Variants in PDE4B observed in about 807,000 individuals in gnomAD.
PDE4B encodes phosphodiesterase 4B, also known as 3',5'-cyclic-AMP phosphodiesterase 4B.
Under a neutral mutation model 82.2 loss-of-function variants are expected in PDE4B, and 20 were observed. That is an observed-to-expected ratio of 0.24 (90% CI 0.17 to 0.35). The LOEUF is 0.35. Among genes scored for constraint, PDE4B ranks in the 10% least tolerant of loss-of-function variants. The pLI is 1.00. For synonymous variants in PDE4B, 320 were observed against 318.9 expected, an observed-to-expected ratio of 1.00 and a Z score of -0.04; for missense variants, 655 against 907.2, an observed-to-expected ratio of 0.72 and a Z score of 3.57.
chr1:66,009,915 A>ATCTG, intron 3 of PDE4B, among the ~76,000 whole-genome samples: 1 of 57,980 alleles, frequency 1.7e-5, no homozygotes, highest in Non-Finnish European at 5.2e-5. Flanking sequence ...TTATCTATCT[A>ATCTG]TCTATCTATC....
chr1:66,345,627 A>G (rs577017061), intron 8 of PDE4B, among the ~76,000 whole-genome samples: 4 of 152,342 alleles, frequency 2.6e-5, no homozygotes, highest in East Asian at 1.9e-4. Context: ...GATCAATTGC[A>G]TGAGGTTCAG....
chr1:66,106,034 G>C (rs559470935), intron 3 of PDE4B, among the ~76,000 whole-genome samples: 1 of 152,014 alleles, frequency 6.6e-6, no homozygotes, highest in African/African-American at 2.4e-5. Context: ...CAAAGGGAAT[G>C]CTTCCAGTTT....
intron 3 of PDE4B, among the ~76,000 whole-genome samples, chr1:66,114,716 A>G (rs1411218557): frequency 1.3e-5 from 2 of 150,768 alleles, no homozygotes; most frequent in African/African-American, 4.9e-5. Flanking sequence ...GCTCACTGCA[A>G]CCTCTGCTTC....
At chr1:66,161,298 A>ACG (rs398069487) in intron 3 of PDE4B, among the ~76,000 whole-genome samples, 1 of 151,830 alleles carries the variant, frequency 6.6e-6, no homozygotes, top group Non-Finnish European at 1.5e-5. Context: ...ACACACACAC[A>ACG]ATCACACACA....
intron 10 of PDE4B, among the ~76,000 whole-genome samples, chr1:66,362,420 A>G (rs1371680851): frequency 6.6e-6 from 1 of 152,096 alleles, no homozygotes; most frequent in African/African-American, 2.4e-5. Context: ...CCTTGTGAGA[A>G]TATGAAATGA....
chr1:65,890,485 A>G (rs1280397046), intron 1 of PDE4B, among the ~76,000 whole-genome samples: 1 of 152,156 alleles, frequency 6.6e-6, no homozygotes, highest in Non-Finnish European at 1.5e-5. Flanking sequence ...GAATATCCAG[A>G]TGAATTTAAT....
intron 3 of PDE4B, among the ~76,000 whole-genome samples, chr1:66,023,439 G>T (rs1297331477): frequency 6.6e-6 from 1 of 152,088 alleles, no homozygotes; most frequent in Non-Finnish European, 1.5e-5. Flanking sequence ...GTATTGCCAA[G>T]AACAAGGTAG....
At chr1:66,034,828 G>GT (rs1281472409) in intron 3 of PDE4B, among the ~76,000 whole-genome samples, 1 of 152,080 alleles carries the variant, frequency 6.6e-6, no homozygotes, top group African/African-American at 2.4e-5. Context: ...TGGTCATAAA[G>GT]TTTTTATCTT....
chr1:65,856,107 T>C (rs537055562), intron 1 of PDE4B, among the ~76,000 whole-genome samples: 2 of 152,286 alleles, frequency 1.3e-5, no homozygotes, highest in East Asian at 3.9e-4. Context: ...TTTTAGGCAC[T>C]ATCTCCCTAA....
intron 3 of PDE4B, among the ~76,000 whole-genome samples, chr1:66,044,732 T>G (rs942563107): frequency 4.6e-5 from 7 of 151,796 alleles, no homozygotes; most frequent in Admixed American, 3.3e-4. Flanking sequence ...GTTAACTCTG[T>G]GAGAAAAAGA....
chr1:66,154,202 T>C (rs1646457824), intron 3 of PDE4B, among the ~76,000 whole-genome samples: 1 of 152,170 alleles, frequency 6.6e-6, no homozygotes, highest in Admixed American at 6.6e-5. Context: ...AATTCTTATC[T>C]GTTTATTGCT....
chr1:66,206,374 G>C (rs1286169772), intron 3 of PDE4B, among the ~76,000 whole-genome samples: 1 of 152,108 alleles, frequency 6.6e-6, no homozygotes, highest in African/African-American at 2.4e-5. Context: ...CTAGCGGGGG[G>C]ATACAGCCTA....
chr1:66,331,015 A>G (rs1346951675), intron 7 of PDE4B, among the ~76,000 whole-genome samples: 4 of 152,226 alleles, frequency 2.6e-5, no homozygotes, highest in Non-Finnish European at 4.4e-5. Flanking sequence ...AAGTGTATGA[A>G]TATTTCGGGG....
chr1:65,943,701 G>A (rs1321096733), intron 3 of PDE4B, among the ~76,000 whole-genome samples: 1 of 151,810 alleles, frequency 6.6e-6, no homozygotes, highest in African/African-American at 2.4e-5. Flanking sequence ...CAATGTGCAG[G>A]TCTTTCACCT....
rs188356570 is a variant in PDE4B at position 66,003,176 on chromosome 1, A to G, written c.281+84341A>G. On this transcript the variant is annotated intron_variant, in intron 3 of 16. Coordinates refer to ENST00000341517, the MANE Select transcript of PDE4B (RefSeq NM_002600.4). The stretch of plus-strand genomic sequence containing the variant: ...CATTTATAATATCCACAGTGTGACA[A>G]TTCAGTATACTAAGAAACAAAGTAT... 5.8e-4 allele frequency among the ~76,000 whole-genome samples: 88 copies of G among 152,214 alleles called. 1 individual carries two copies. The South Asian group carries it at 9.8e-3, about 17-fold the overall frequency.
chr1:66,303,813 C>A (rs139085359), intron 7 of PDE4B, among the ~76,000 whole-genome samples: 16 of 152,198 alleles, frequency 1.1e-4, no homozygotes, highest in South Asian at 2.1e-4. Context: ...TGACACTTGG[C>A]CTGCTTATGT....
At chr1:65,832,278 C>T (rs1646091684) in intron 1 of PDE4B, among the ~76,000 whole-genome samples, 1 of 152,218 alleles carries the variant, frequency 6.6e-6, no homozygotes, top group African/African-American at 2.4e-5. Flanking sequence ...GACAGAAGAT[C>T]TGGAAGTTGA....
At chr1:66,073,166 G>A (rs12134699) in intron 3 of PDE4B, among the ~76,000 whole-genome samples, 34,989 of 151,994 alleles carry the variant, frequency 0.23, 4,693 homozygotes, top group Middle Eastern at 0.37. Context: ...TGTGTCTGCT[G>A]TGAATTGGTG....
At position 65,792,980 on chromosome 1, in the gene PDE4B, C is replaced by CCGCG. The variant is rs1645588660; in HGVS notation, c.-331_-328dup. ...TCCCCAGGCTAGCCCGCTGGCCCGTCCGCGCGCGCGCCCCCGGCCCGCGCG... is the reference window on the plus strand; with the variant it reads ...TCCCCAGGCTAGCCCGCTGGCCCGTCCGCGCGCGCGCGCGCCCCCGGCCCGCGCG... On this transcript the variant is annotated 5_prime_UTR_variant, in exon 1 of 17. Transcript: ENST00000341517. Among the ~76,000 whole-genome samples, 1 of 151,612 alleles carries CCGCG rather than the reference C, an allele frequency of 6.6e-6. No homozygotes were observed. Among genetic ancestry groups the CCGCG allele is most frequent in the African/African-American group, 2.4e-5 (1 of 41,346 alleles).
Sources: gnomAD v4.1 joint callset for allele counts (sites outside exome capture counted in the v4.1 genomes callset) on GRCh38, gnomAD v4.1.1 for gene constraint, MANE v1.5 for transcripts, NCBI Gene and HGNC (gene_info 2026-07-23, HGNC 2026-07-21) for gene names.